PCDH15: variants seen among roughly 807,000 people sequenced by gnomAD.
The protein encoded by PCDH15 is protocadherin related 15.
PCDH15 carries 129 observed loss-of-function variants against 178.5 expected under a neutral mutation model. The ratio of observed to expected loss-of-function variants is 0.72; its 90% CI spans 0.63 to 0.84. The LOEUF (loss-of-function observed/expected upper bound fraction) is 0.84, where lower values mean the gene tolerates loss of function less well. Ranked by LOEUF, PCDH15 falls within the 40% of genes least tolerant of loss-of-function variation. The probability of loss-of-function intolerance (pLI) is 0.00; values close to 1 mark genes in which losing one functional copy is unlikely to be tolerated. For missense variants in PCDH15, 2,230 were observed against 2,099.9 expected (o/e 1.06, Z -1.21); for synonymous variants, 800 against 732.0 (o/e 1.09, Z -1.50).
At chr10:54,090,896 T>C (rs1192174550) in intron 15 of PCDH15, among the ~76,000 whole-genome samples, 5 of 152,156 alleles carry the variant, frequency 3.3e-5, no homozygotes, top group Non-Finnish European at 5.9e-5. Flanking sequence ...TTAATAGATG[T>C]TGAGAGGTTT....
chr10:55,608,742 C>A (rs1423826067), intron 2 of PCDH15, among the ~76,000 whole-genome samples: 2 of 151,736 alleles, frequency 1.3e-5, no homozygotes, highest in East Asian at 2.0e-4. Flanking sequence ...GTTTACATAG[C>A]AGAAAAGAAG....
intron 1 of PCDH15, among the ~76,000 whole-genome samples, chr10:55,295,402 C>T (rs908233315): frequency 6.6e-6 from 1 of 152,164 alleles, no homozygotes; most frequent in Non-Finnish European, 1.5e-5. Flanking sequence ...CAGGCTCAGG[C>T]CAAGGATTTC....
chr10:55,038,218 T>A (rs1410807981), intron 2 of PCDH15, among the ~76,000 whole-genome samples: 1 of 152,204 alleles, frequency 6.6e-6, no homozygotes, highest in African/African-American at 2.4e-5. Context: ...TGCTTATGTG[T>A]TTGCATGTGA....
chr10:55,149,810 C>A (rs889626903), intron 2 of PCDH15, among the ~76,000 whole-genome samples: 10 of 152,004 alleles, frequency 6.6e-5, no homozygotes, highest in African/African-American at 9.7e-5. Flanking sequence ...AAATTCTGAC[C>A]AATTGACTGT....
intron 2 of PCDH15, among the ~76,000 whole-genome samples, chr10:55,571,771 G>C (rs909177958): frequency 2.7e-4 from 41 of 152,102 alleles, no homozygotes; most frequent in African/African-American, 8.4e-4. Flanking sequence ...AAGATAGTGA[G>C]AAAGATAGTA....
chr10:54,584,170 C>G (rs1200766613), intron 2 of PCDH15, among the ~76,000 whole-genome samples: 1 of 151,956 alleles, frequency 6.6e-6, no homozygotes, highest in Admixed American at 6.6e-5. Context: ...ATGACTTGAG[C>G]TCAGGAATTT....
At chr10:54,972,090 C>T (rs1364990703) in intron 2 of PCDH15, among the ~76,000 whole-genome samples, 1 of 152,116 alleles carries the variant, frequency 6.6e-6, no homozygotes, top group Non-Finnish European at 1.5e-5. Context: ...CATCTACTTC[C>T]CACGGGGCTT....
chr10:55,100,725 A>G (rs904836571), intron 2 of PCDH15, among the ~76,000 whole-genome samples: 3 of 152,232 alleles, frequency 2.0e-5, no homozygotes, highest in African/African-American at 4.8e-5. Context: ...GAAGGCATAA[A>G]TCTATTCATG....
At chr10:55,465,192 C>T (rs1839807080) in intron 2 of PCDH15, among the ~76,000 whole-genome samples, 1 of 152,184 alleles carries the variant, frequency 6.6e-6, no homozygotes, top group Admixed American at 6.5e-5. Context: ...AGTCTGAAAT[C>T]TGCAGGGTAG....
rs141671166 is a variant in PCDH15 at position 54,252,572 on chromosome 10, C to T, written c.877-15641G>A. On this transcript the variant is annotated intron_variant, in intron 8 of 37. Transcript: ENST00000644397. ...CATCATCATATATTTTATAGCAGTC[C>T]AGTCCAGAGGAAAGCATGCTGCCAT... Among the ~76,000 whole-genome samples, 530 of 152,196 alleles carry T rather than the reference C, an allele frequency of 3.5e-3. 2 individuals carry two copies. The highest frequency in any genetic ancestry group is 0.017 in the Middle Eastern group (5 of 292).
Position 54,213,934 on chromosome 10 carries a change from A to C in PCDH15, c.1098+2T>G. 6.5e-7 allele frequency: 1 copy of C among 1,539,440 alleles called. No individual in the cohort carries two copies. Among genetic ancestry groups the C allele is most frequent in the Non-Finnish European group, 9.0e-7 (1 of 1,112,844 alleles). The stretch of plus-strand genomic sequence containing the variant: ...AGGAAATAAGATATTAGCTTAATTT[A>C]CCTTAATAACCAAATCAAATTTCTG... On this transcript the variant is annotated splice_donor_variant, in intron 10 of 37. Coordinates refer to ENST00000644397, the MANE Select transcript of PCDH15 (RefSeq NM_001384140.1). LOFTEE classifies it high-confidence loss of function.
chr10:55,206,086 C>A (rs899170545), intron 1 of PCDH15, among the ~76,000 whole-genome samples: 2 of 151,858 alleles, frequency 1.3e-5, no homozygotes, highest in Non-Finnish European at 2.9e-5. Context: ...CTACAATATG[C>A]GATTTGGGTG....
chr10:53,808,094 T>C (rs1773722134), intron 37 of PCDH15: 1 of 152,050 alleles, frequency 6.6e-6, no homozygotes. Flanking sequence ...TAACAGAAAA[T>C]AAGCTGTAAT....
rs1475462707 is a variant in PCDH15 at position 54,725,707 on chromosome 10, G to GT, written c.-28-61418dup. Among the ~76,000 whole-genome samples the GT allele has an allele frequency of 4.0e-5, 6 of 151,154 alleles. No homozygotes were observed. The East Asian group carries it at 1.2e-3, about 29-fold the overall frequency. ...GGAGCTTGAAAATTTTATTTTTACA[G>GT]TTTTTTAAAGCACAAAATGAGCACA... On this transcript the variant is annotated intron_variant, in intron 1 of 37. Coordinates refer to ENST00000644397, the MANE Select transcript of PCDH15 (RefSeq NM_001384140.1).
intron 2 of PCDH15, among the ~76,000 whole-genome samples, chr10:55,561,179 CAT>C (rs952039251): frequency 2.0e-5 from 3 of 151,892 alleles, no homozygotes; most frequent in African/African-American, 7.2e-5. Flanking sequence ...GGTAAAAGTA[CAT>C]GTCTAAAAAG....
At chr10:54,855,154 C>T (rs1257393597) in intron 3 of PCDH15, among the ~76,000 whole-genome samples, 1 of 152,180 alleles carries the variant, frequency 6.6e-6, no homozygotes, top group East Asian at 1.9e-4. Context: ...AGGGAGAAGC[C>T]AGGCAGTGGT....
intron 2 of PCDH15, among the ~76,000 whole-genome samples, chr10:55,526,308 T>C (rs962238799): frequency 6.6e-6 from 1 of 152,026 alleles, no homozygotes; most frequent in Non-Finnish European, 1.5e-5. Context: ...CATCTGTGTA[T>C]ATCCAATACG....
chr10:55,466,043 G>A (rs566266033), intron 2 of PCDH15, among the ~76,000 whole-genome samples: 253 of 152,194 alleles, frequency 1.7e-3, no homozygotes, highest in Non-Finnish European at 3.1e-3. Context: ...TTAGACAGTG[G>A]GGGTATAATG....
intron 1 of PCDH15, among the ~76,000 whole-genome samples, chr10:55,281,857 C>T (rs951089985): frequency 2.0e-5 from 3 of 151,912 alleles, no homozygotes; most frequent in African/African-American, 4.8e-5. Context: ...GATATTTATT[C>T]CTTATACTTT....
Sources: allele counts gnomAD v4.1 joint callset (sites outside exome capture counted in the v4.1 genomes callset), GRCh38; gene constraint gnomAD v4.1.1; transcripts MANE v1.5; gene names NCBI Gene and HGNC (gene_info 2026-07-23, HGNC 2026-07-21).